The following EYS variants were observed in gnomAD, a reference collection of about 807,000 sequenced individuals.
The protein encoded by EYS is protein eyes shut homolog.
EYS carries 250 observed loss-of-function variants against 282.1 expected under a neutral mutation model. That is an observed-to-expected ratio of 0.89 (90% confidence interval 0.80 to 0.98). The LOEUF (loss-of-function observed/expected upper bound fraction) is 0.98, where lower values mean the gene tolerates loss of function less well. Among genes scored for constraint, EYS ranks in the 50% least tolerant of loss-of-function variants. The pLI is 0.00. For synonymous variants in EYS, 1,355 were observed against 1,282.9 expected, an observed-to-expected ratio of 1.06 and a Z score of -1.20; for missense variants, 4,016 against 3,709.0, an observed-to-expected ratio of 1.08 and a Z score of -2.15.
chr6:64,766,457 C>G (rs532270003), intron 22 of EYS, among the ~76,000 whole-genome samples: 7 of 147,610 alleles, frequency 4.7e-5, no homozygotes, highest in Non-Finnish European at 1.0e-4. Context: ...TATGGTGAAA[C>G]TCTGTCTGTA....
At chr6:65,207,447 T>C (rs965736845) in intron 12 of EYS, among the ~76,000 whole-genome samples, 1 of 151,844 alleles carries the variant, frequency 6.6e-6, no homozygotes, top group East Asian at 1.9e-4. Flanking sequence ...AAAAGTACCA[T>C]AGTGCCCAAA....
At chr6:65,360,105 C>A (rs1764642318) in intron 8 of EYS, among the ~76,000 whole-genome samples, 1 of 151,760 alleles carries the variant, frequency 6.6e-6, no homozygotes, top group African/African-American at 2.4e-5. Context: ...AAGTATATAA[C>A]CTTATAATTC....
chr6:64,324,077 C>T (rs1016001948), intron 29 of EYS, among the ~76,000 whole-genome samples: 1 of 151,514 alleles, frequency 6.6e-6, no homozygotes, highest in Non-Finnish European at 1.5e-5. Context: ...AGTCCAGCTA[C>T]AAACTTGACA....
intron 22 of EYS, among the ~76,000 whole-genome samples, chr6:64,796,302 G>C (rs932113446): frequency 2.6e-5 from 4 of 152,052 alleles, no homozygotes; most frequent in African/African-American, 9.7e-5. Context: ...AGACTTACAG[G>C]TTTACTGATG....
Position 65,132,739 on chromosome 6 carries a change from GC to G in EYS, c.2024-75013del, listed in dbSNP as rs1008876232. On this transcript the variant is annotated intron_variant, in intron 12 of 42. Coordinates refer to ENST00000503581, the MANE Select transcript of EYS (RefSeq NM_001142800.2). The stretch of plus-strand genomic sequence containing the variant: ...TAATCAGACAAGAGAAATAAATAAA[GC>G]GTATTCAAATAGAAAGAATGAAATT... Among the ~76,000 whole-genome samples, 288 of 151,966 alleles carry G rather than the reference GC, an allele frequency of 1.9e-3. 1 individual carries two copies. Among genetic ancestry groups the G allele is most frequent in the African/African-American group, 6.7e-3 (277 of 41,492 alleles).
rs547015099 is a variant in EYS at position 65,508,546 on chromosome 6, C to T, written c.-332-12553G>A. On this transcript the variant is annotated intron_variant, in intron 2 of 42. Transcript: ENST00000503581. ...AAAATTAGCTGGGCGTGGTGGCAGG[C>T]GCCTGTAGTCCCAGCTAGTCAGGAG... 4.2e-3 allele frequency among the ~76,000 whole-genome samples: 643 copies of T among 151,302 alleles called. 4 individuals carry two copies. Among genetic ancestry groups the T allele is most frequent in the Admixed American group, 0.017 (252 of 15,158 alleles).
intron 9 of EYS, among the ~76,000 whole-genome samples, chr6:65,353,065 T>C (rs1218131052): frequency 6.6e-6 from 1 of 152,010 alleles, no homozygotes; most frequent in Non-Finnish European, 1.5e-5. Context: ...CCAGTTTTTT[T>C]TTCTTTTTTT....
chr6:64,264,943 C>T (rs376484881), intron 30 of EYS, among the ~76,000 whole-genome samples: 5 of 152,076 alleles, frequency 3.3e-5, no homozygotes, highest in South Asian at 2.1e-4. Context: ...ACATTGTCAA[C>T]GGCATGGATA....
At chr6:65,651,096 T>C (rs1284248946) in intron 1 of EYS, among the ~76,000 whole-genome samples, 1 of 152,070 alleles carries the variant, frequency 6.6e-6, no homozygotes, top group Non-Finnish European at 1.5e-5. Context: ...CTAATGTCTA[T>C]TAAATTATAT....
Position 64,448,033 on chromosome 6 carries a change from G to A in EYS, c.5645-8681C>T, listed in dbSNP as rs189373343. Among the ~76,000 whole-genome samples, 106 of 152,342 alleles carry A rather than the reference G, an allele frequency of 7.0e-4. 1 individual carries two copies. The South Asian group carries it at 0.011, about 16-fold the overall frequency. ...TGCAGGACAGTGGGTGCAGTGCACC[G>A]TGCGTGAGCCTAAGCAGGGCGAGGC... On this transcript the variant is annotated intron_variant, in intron 26 of 42. Coordinates refer to ENST00000503581, the MANE Select transcript of EYS (RefSeq NM_001142800.2).
chr6:63,955,888 T>C (rs1335169633), intron 35 of EYS, among the ~76,000 whole-genome samples: 1 of 152,162 alleles, frequency 6.6e-6, no homozygotes, highest in Non-Finnish European at 1.5e-5. Context: ...TCCATTTCAT[T>C]TCTCAATTCA....
Position 64,436,166 on chromosome 6 carries a change from T to C in EYS, c.5927+8A>G, listed in dbSNP as rs1774740606. On this transcript the variant is annotated splice_region_variant and intron_variant, in intron 28 of 42. Transcript: ENST00000503581. Reference sequence around the variant, plus strand: ...TGAGATTAACTGGAAAAGAAATAATTATCTTACCTGATAAGCAGTGTATAC... The same window carrying C: ...TGAGATTAACTGGAAAAGAAATAATCATCTTACCTGATAAGCAGTGTATAC... 1 of 1,452,076 alleles carries C rather than the reference T, an allele frequency of 6.9e-7. No individual in the cohort carries two copies. The highest frequency in any genetic ancestry group is 9.3e-7 in the Non-Finnish European group (1 of 1,073,002). The allele number at this position is 1,452,076 out of a possible 1,614,324, so 89.9% of individuals were successfully genotyped here.
Position 64,970,147 on chromosome 6 carries a change from C to CA in EYS, c.2260-24234dup, listed in dbSNP as rs201796344. On this transcript the variant is annotated intron_variant, in intron 14 of 42. Transcript: ENST00000503581. ...ATATGAATTGCCAAGCCTAGAAATA[C>CA]AAAAAAAAAAAGTTGTGAAAAAGTT... Among the ~76,000 whole-genome samples, 246 of 138,374 alleles carry CA rather than the reference C, an allele frequency of 1.8e-3. 1 individual carries two copies. In the Middle Eastern group the frequency reaches 0.03, roughly 17 times the overall value. 90.8% of individuals were successfully genotyped at this position (138,374 alleles called of 152,430 possible).
At chr6:64,454,024 T>C (rs1011873029) in intron 26 of EYS, among the ~76,000 whole-genome samples, 1 of 151,754 alleles carries the variant, frequency 6.6e-6, no homozygotes, top group African/African-American at 2.4e-5. Flanking sequence ...AAAAAAAAAA[T>C]TTGTTACCAG....
intron 15 of EYS, among the ~76,000 whole-genome samples, chr6:64,945,124 TAA>T (rs763133866): frequency 3.9e-4 from 44 of 112,274 alleles, no homozygotes; most frequent in Non-Finnish European, 4.1e-4. Context: ...GTTTCTCTAT[TAA>T]AAAAAAAAAA....
intron 21 of EYS, among the ~76,000 whole-genome samples, chr6:64,817,192 C>T (rs1475997440): frequency 6.6e-6 from 1 of 151,988 alleles, no homozygotes; most frequent in Non-Finnish European, 1.5e-5. Context: ...TCCTGGAAAG[C>T]ATTCTGATGG....
At chr6:64,025,111 C>T (rs903063270) in intron 33 of EYS, among the ~76,000 whole-genome samples, 7 of 152,102 alleles carry the variant, frequency 4.6e-5, no homozygotes, top group East Asian at 1.9e-4. Flanking sequence ...CCTTAGAATT[C>T]GGGGGCTAAA....
At chr6:65,665,646 G>A (rs1468581303) in intron 1 of EYS, among the ~76,000 whole-genome samples, 1 of 152,030 alleles carries the variant, frequency 6.6e-6, no homozygotes, top group Non-Finnish European at 1.5e-5. Context: ...AAAAATGTGT[G>A]AAGGTGTCCA....
intron 12 of EYS, among the ~76,000 whole-genome samples, chr6:65,284,494 C>A (rs1421558913): frequency 6.6e-6 from 1 of 151,936 alleles, no homozygotes; most frequent in Admixed American, 6.6e-5. Flanking sequence ...AAGTTAATAT[C>A]TATTATAGTG....
Sources: allele counts gnomAD v4.1 joint callset (sites outside exome capture counted in the v4.1 genomes callset), GRCh38; gene constraint gnomAD v4.1.1; transcripts MANE v1.5; gene names NCBI Gene and HGNC (gene_info 2026-07-23, HGNC 2026-07-21).